The following CD247 variants were observed in gnomAD, a reference collection of about 807,000 sequenced individuals.
CD247 encodes the protein T-cell surface glycoprotein CD3 zeta chain.
CD247 carries 13 observed loss-of-function variants against 30.0 expected under a neutral mutation model. That is an observed-to-expected ratio of 0.43 (90% confidence interval 0.28 to 0.69). CD247 has a LOEUF of 0.69. Among genes scored for constraint, CD247 ranks in the 30% least tolerant of loss-of-function variants. CD247 has a pLI of 0.16. For missense variants in CD247, 193 were observed against 212.6 expected, an observed-to-expected ratio of 0.91 and a Z score of 0.57; for synonymous variants, 72 against 80.0, an observed-to-expected ratio of 0.90 and a Z score of 0.53.
rs1191456583 is a variant in CD247 at position 167,438,577 on chromosome 1, C to T, written c.293G>A (p.Gly98Glu). 3 of 1,612,544 alleles carry T rather than the reference C, an allele frequency of 1.9e-6. No individual in the cohort carries two copies. The highest frequency in any genetic ancestry group is 2.2e-5 in the South Asian group (2 of 91,052). Reference protein sequence around the residue: ...KRRGRDPEMGGKPQRRKNPQE... With the variant: ...KRRGRDPEMGEKPQRRKNPQE... ...AGGTAGAGGAACCCCTACCGGCTTTCCCCCCATCTCAGGGTCCCGGCCACG... is the reference window on the plus strand; with the variant it reads ...AGGTAGAGGAACCCCTACCGGCTTTTCCCCCATCTCAGGGTCCCGGCCACG... The change falls in exon 4 of 8, where the codon GGA becomes GAA. Residue 98 changes from glycine (G) to glutamate (E), a missense_variant. Physicochemically the swap from Gly to Glu is moderately conservative, Grantham distance 98. Coordinates refer to ENST00000362089, the MANE Select transcript of CD247 (RefSeq NM_198053.3).
At chr1:167,505,983 G>T (rs1054155003) in intron 1 of CD247, among the ~76,000 whole-genome samples, 1 of 152,236 alleles carries the variant, frequency 6.6e-6, no homozygotes, top group African/African-American at 2.4e-5. Context: ...CAGGCAGCTA[G>T]AGCAAGAATC....
At chr1:167,465,480 A>G (rs1259346701) in intron 1 of CD247, among the ~76,000 whole-genome samples, 21 of 151,930 alleles carry the variant, frequency 1.4e-4, no homozygotes. Context: ...GGCTCCCGGC[A>G]TCATGCCTGG....
intron 4 of CD247, among the ~76,000 whole-genome samples, 182 bp downstream of exon 4, chr1:167,438,388 G>C (rs1651646129): frequency 6.6e-6 from 1 of 152,184 alleles, no homozygotes; most frequent in African/African-American, 2.4e-5. Context: ...GATGCAGAAT[G>C]GAGCCAAGGA....
At position 167,430,932 on chromosome 1, in the gene CD247, T is replaced by G; in HGVS notation, c.*749A>C. 2.5e-6 allele frequency: 1 copy of G among 398,460 alleles called. No individual in the cohort carries two copies. The highest frequency in any genetic ancestry group is 4.4e-6 in the Non-Finnish European group (1 of 226,178). The allele number at this position is 398,460 out of a possible 1,614,324, so 24.7% of individuals were successfully genotyped here. A position where few individuals can be genotyped will look rare whatever the true frequency, so the allele number is the denominator to read the frequency against. On this transcript the variant is annotated 3_prime_UTR_variant, in exon 8 of 8. Transcript: ENST00000362089. Reference sequence around the variant, plus strand: ...ACGGCCTCCTCTTGCTCCGCAGCACTTTATTCACACTGTGTAACCACATGT... The same window carrying G: ...ACGGCCTCCTCTTGCTCCGCAGCACGTTATTCACACTGTGTAACCACATGT...
intron 3 of CD247, 93 bp downstream of exon 3, chr1:167,439,251 A>G (rs1571513473): frequency 8.3e-7 from 1 of 1,199,940 alleles, no homozygotes; most frequent in East Asian, 2.3e-5. Flanking sequence ...CTAGGGACCA[A>G]ACCTAAACCC....
At chr1:167,450,233 G>A (rs923253902) in intron 1 of CD247, among the ~76,000 whole-genome samples, 2 of 152,108 alleles carry the variant, frequency 1.3e-5, no homozygotes, top group African/African-American at 4.8e-5. Context: ...CGGTGGCTCA[G>A]GCCTGTAATC....
At chr1:167,464,742 C>T (rs1653165969) in intron 1 of CD247, among the ~76,000 whole-genome samples, 1 of 152,170 alleles carries the variant, frequency 6.6e-6, no homozygotes, top group Non-Finnish European at 1.5e-5. Context: ...TCTGAAATGC[C>T]TGGGGACAGA....
chr1:167,445,687 C>G (rs186924387), intron 1 of CD247, among the ~76,000 whole-genome samples: 38 of 152,172 alleles, frequency 2.5e-4, no homozygotes, highest in African/African-American at 2.7e-4. Flanking sequence ...ACTTGAATTG[C>G]GTTGTTTGTC....
chr1:167,497,994 G>T (rs1240844940), intron 1 of CD247, among the ~76,000 whole-genome samples: 3 of 152,212 alleles, frequency 2.0e-5, no homozygotes, highest in Non-Finnish European at 4.4e-5. Context: ...TTTACTGAGG[G>T]TCTAGACTTT....
intron 1 of CD247, among the ~76,000 whole-genome samples, chr1:167,479,555 ACCC>A (rs1341402325): frequency 6.6e-6 from 1 of 151,830 alleles, no homozygotes; most frequent in Non-Finnish European, 1.5e-5. Context: ...TTCAAAAATC[ACCC>A]CAGGAGTTCA....
intron 3 of CD247, among the ~76,000 whole-genome samples, 196 bp from the exon 4 acceptor site, chr1:167,438,846 C>T (rs1651677053): frequency 6.6e-6 from 1 of 152,160 alleles, no homozygotes; most frequent in African/African-American, 2.4e-5. Flanking sequence ...CTTAACATGA[C>T]AGTGGATGGG....
At chr1:167,437,335 G>T (rs1651594508) in intron 4 of CD247, among the ~76,000 whole-genome samples, 1 of 151,958 alleles carries the variant, frequency 6.6e-6, no homozygotes, top group Non-Finnish European at 1.5e-5. Flanking sequence ...AACCCTAGAG[G>T]CAGAGGTTGT....
chr1:167,452,411 C>CAAA (rs34079142), intron 1 of CD247, among the ~76,000 whole-genome samples: 1 of 104,658 alleles, frequency 9.6e-6, no homozygotes, highest in Non-Finnish European at 1.9e-5. Flanking sequence ...AAGACTCTAT[C>CAAA]AAAAAAAAAA....
intron 3 of CD247, 147 bp downstream of exon 3, chr1:167,439,197 A>C: frequency 2.7e-6 from 2 of 739,490 alleles, no homozygotes; most frequent in South Asian, 3.0e-5. Context: ...GTGGGTTAGA[A>C]AACTGAGGTT....
chr1:167,493,384 T>A (rs1654538260), intron 1 of CD247, among the ~76,000 whole-genome samples: 1 of 152,144 alleles, frequency 6.6e-6, no homozygotes, highest in Admixed American at 6.6e-5. Flanking sequence ...TCCTTCTCCA[T>A]CTGTTCCTTT....
At chr1:167,451,110 T>C (rs1318796573) in intron 1 of CD247, among the ~76,000 whole-genome samples, 2 of 151,626 alleles carry the variant, frequency 1.3e-5, no homozygotes, top group Non-Finnish European at 2.9e-5. Flanking sequence ...CTGTGCCCAG[T>C]GTCTCTGAAC....
At chr1:167,495,393 CA>C (rs1406010540) in intron 1 of CD247, among the ~76,000 whole-genome samples, 5 of 152,162 alleles carry the variant, frequency 3.3e-5, no homozygotes, top group Non-Finnish European at 7.3e-5. Flanking sequence ...GTAGTTGTTA[CA>C]GTAACCTACC....
chr1:167,497,118 G>A lies in CD247; in HGVS notation c.58+21290C>T, dbSNP rs138669788. 3.0e-4 allele frequency among the ~76,000 whole-genome samples: 46 copies of A among 152,212 alleles called. 1 individual carries two copies. In the South Asian group the frequency reaches 6.7e-3, roughly 22 times the overall value. On this transcript the variant is annotated intron_variant, in intron 1 of 7. Coordinates refer to ENST00000362089, the MANE Select transcript of CD247 (RefSeq NM_198053.3). The stretch of plus-strand genomic sequence containing the variant: ...AAAAGACAGTGGTAAAATAAATTAC[G>A]GCATTTTACAGGCACTAAAGTTGAT...
intron 1 of CD247, among the ~76,000 whole-genome samples, chr1:167,479,769 C>T (rs1330969336): frequency 1.3e-5 from 2 of 152,184 alleles, no homozygotes; most frequent in African/African-American, 2.4e-5. Flanking sequence ...TGGAATGCCC[C>T]TTCCTCCTGC....
Sources: allele counts gnomAD v4.1 joint callset (sites outside exome capture counted in the v4.1 genomes callset), GRCh38; gene constraint gnomAD v4.1.1; transcripts MANE v1.5; gene names NCBI Gene and HGNC (gene_info 2026-07-23, HGNC 2026-07-21).